CACNA1E: variants seen among roughly 807,000 people sequenced by gnomAD.
The protein encoded by CACNA1E is calcium voltage-gated channel subunit alpha1 E.
In CACNA1E, 40 loss-of-function variants were observed where a neutral mutation model predicts 259.2. That is an observed-to-expected ratio of 0.15 (90% CI 0.12 to 0.20). The LOEUF is 0.20. Among genes scored for constraint, CACNA1E ranks in the 10% least tolerant of loss-of-function variants. The probability of loss-of-function intolerance (pLI) is 1.00; values close to 1 mark genes in which losing one functional copy is unlikely to be tolerated. For missense variants in CACNA1E, 1,874 were observed against 3,040.1 expected, an observed-to-expected ratio of 0.62 and a Z score of 9.02; for synonymous variants, 1,104 against 1,138.5, an observed-to-expected ratio of 0.97 and a Z score of 0.61.
chr1:181,509,817 T>G (rs1445881795), intron 1 of CACNA1E, among the ~76,000 whole-genome samples: 20 of 152,206 alleles, frequency 1.3e-4, no homozygotes, highest in Admixed American at 1.3e-3. Context: ...CTCTGTTTCA[T>G]ATAGATGCAG....
intron 7 of CACNA1E, among the ~76,000 whole-genome samples, chr1:181,657,197 A>G (rs1010283441): frequency 2.0e-5 from 3 of 152,070 alleles, no homozygotes; most frequent in Non-Finnish European, 2.9e-5. Context: ...AACCAAATTT[A>G]TGTTGCTGAT....
chr1:181,529,530 G>A (rs554864449), intron 3 of CACNA1E, among the ~76,000 whole-genome samples: 22 of 152,314 alleles, frequency 1.4e-4, no homozygotes, highest in Middle Eastern at 3.4e-3. Flanking sequence ...TGGAAAAGCC[G>A]CAGACACTCA....
chr1:181,380,758 A>G (rs1379008633), intron 1 of CACNA1E, among the ~76,000 whole-genome samples: 11 of 152,254 alleles, frequency 7.2e-5, no homozygotes, highest in African/African-American at 2.4e-5. Flanking sequence ...TGGGAATATA[A>G]AATGATAGAA....
At chr1:181,713,944 G>A (rs1653642460) in intron 8 of CACNA1E, among the ~76,000 whole-genome samples, 1 of 152,160 alleles carries the variant, frequency 6.6e-6, no homozygotes, top group South Asian at 2.1e-4. Context: ...GAGTACAGGG[G>A]ACTGTCTGGT....
At position 181,732,330 on chromosome 1, in the gene CACNA1E, C is replaced by T. The variant is rs1159598145; in HGVS notation, c.2298-54C>T. The T allele has an allele frequency of 2.1e-6, 3 of 1,462,420 alleles. No homozygotes were observed. Among genetic ancestry groups the T allele is most frequent in the Non-Finnish European group, 2.7e-6 (3 of 1,107,488 alleles). 90.6% of individuals were successfully genotyped at this position (1,462,420 alleles called of 1,614,324 possible). A position where few individuals can be genotyped will look rare whatever the true frequency, so the allele number is the denominator to read the frequency against. On this transcript the variant is annotated intron_variant, in intron 19 of 47. Transcript: ENST00000367573. This position sits in a 1 kb window ranked among gnomAD's most constrained non-coding sequence, Gnocchi z 5.5. ...CTCACATGGCCCCTGTGGCCACCCT[C>T]CCTGCCTGCAGCTTCTGGGCTCTGA... is the stretch of plus-strand genomic sequence containing the variant.
At chr1:181,780,089 G>C (rs1219089237) in intron 38 of CACNA1E, among the ~76,000 whole-genome samples, 2 of 152,200 alleles carry the variant, frequency 1.3e-5, no homozygotes, top group East Asian at 3.9e-4. Flanking sequence ...TAGGACAGAA[G>C]GGGTGAGAAA....
At chr1:181,348,705 T>C (rs1376649233) in intron 1 of CACNA1E, among the ~76,000 whole-genome samples, 2 of 152,242 alleles carry the variant, frequency 1.3e-5, no homozygotes, top group East Asian at 1.9e-4. Flanking sequence ...GGGTGAGTTC[T>C]CCTTTCTCCT....
intron 38 of CACNA1E, among the ~76,000 whole-genome samples, chr1:181,779,115 G>A (rs1465024076): frequency 6.6e-6 from 1 of 152,244 alleles, no homozygotes. Context: ...GGCAGGCTTT[G>A]TTCCTAGAAG....
chr1:181,781,377 C>T (rs2102822280), intron 38 of CACNA1E, 50 bp from the exon 39 acceptor site: 7 of 841,172 alleles, frequency 8.3e-6, no homozygotes, highest in South Asian at 7.2e-5. Flanking sequence ...CCTGCCACCC[C>T]ACTGCCCCGC....
At chr1:181,773,805 A>G (rs1659733518) in intron 37 of CACNA1E, among the ~76,000 whole-genome samples, 2 of 152,276 alleles carry the variant, frequency 1.3e-5, no homozygotes, top group Non-Finnish European at 2.9e-5. Context: ...AATATTTAAA[A>G]GAAACCAAAG....
intron 2 of CACNA1E, among the ~76,000 whole-genome samples, chr1:181,456,576 T>C (rs1452206233): frequency 6.6e-6 from 1 of 152,126 alleles, no homozygotes; most frequent in Non-Finnish European, 1.5e-5. Flanking sequence ...ATGGAGAGGG[T>C]TGGGGCCAAG....
At chr1:181,714,696 A>G (rs928412395) in intron 8 of CACNA1E, among the ~76,000 whole-genome samples, 1 of 152,166 alleles carries the variant, frequency 6.6e-6, no homozygotes, top group African/African-American at 2.4e-5. Flanking sequence ...CAAAAACCAA[A>G]TACTTTTTAA....
intron 7 of CACNA1E, among the ~76,000 whole-genome samples, chr1:181,653,174 C>G (rs1013273990): frequency 6.6e-6 from 1 of 152,014 alleles, no homozygotes; most frequent in African/African-American, 2.4e-5. Flanking sequence ...TCTTATAGTT[C>G]TGAAGGGTAC....
At chr1:181,745,828 C>T (rs1657025892) in intron 25 of CACNA1E, among the ~76,000 whole-genome samples, 1 of 152,196 alleles carries the variant, frequency 6.6e-6, no homozygotes, top group South Asian at 2.1e-4. Context: ...ATCCACTGTT[C>T]ACCAGATTGA....
At chr1:181,620,459 T>C (rs1013899705) in intron 6 of CACNA1E, among the ~76,000 whole-genome samples, 1 of 152,238 alleles carries the variant, frequency 6.6e-6, no homozygotes, top group African/African-American at 2.4e-5. Context: ...TTTCTTGTGA[T>C]ACATTCACCT....
intron 6 of CACNA1E, among the ~76,000 whole-genome samples, chr1:181,603,614 A>AT (rs563783721): frequency 6.8e-5 from 10 of 147,348 alleles, no homozygotes; most frequent in East Asian, 2.0e-4. Context: ...CTCGTGACAC[A>AT]TTTTTTTTTC....
At chr1:181,558,049 G>A (rs1465125536) in intron 3 of CACNA1E, among the ~76,000 whole-genome samples, 4 of 152,206 alleles carry the variant, frequency 2.6e-5, no homozygotes, top group African/African-American at 9.7e-5. Context: ...TGAGTTACCA[G>A]GAAATGAGAG....
chr1:181,713,858 T>C (rs1006302895), intron 8 of CACNA1E, among the ~76,000 whole-genome samples: 1 of 152,154 alleles, frequency 6.6e-6, no homozygotes, highest in African/African-American at 2.4e-5. Flanking sequence ...CTAAAAGTCT[T>C]AGTAGAAAAT....
chr1:181,322,061 A>G (rs1031126382), intron 1 of CACNA1E, among the ~76,000 whole-genome samples: 5 of 152,024 alleles, frequency 3.3e-5, no homozygotes, highest in Non-Finnish European at 7.4e-5. Flanking sequence ...CCATGGAAGA[A>G]ACCTTCTGGG....
Sources: allele counts gnomAD v4.1 joint callset (sites outside exome capture counted in the v4.1 genomes callset), GRCh38; gene constraint gnomAD v4.1.1; non-coding constraint Gnocchi (gnomAD v3.1); transcripts MANE v1.5; gene names NCBI Gene and HGNC (gene_info 2026-07-23, HGNC 2026-07-21).